The following HIVEP3 variants were observed in gnomAD, a reference collection of about 807,000 sequenced individuals.
HIVEP3 encodes HIVEP zinc finger 3.
HIVEP3 carries 49 observed loss-of-function variants against 152.8 expected under a neutral mutation model. The observed-to-expected ratio is 0.32, with a 90% CI of 0.26 to 0.41. HIVEP3 has a LOEUF of 0.41. Ranked by LOEUF, HIVEP3 falls within the 10% of genes least tolerant of loss-of-function variation. The probability of loss-of-function intolerance (pLI) is 1.00; values close to 1 mark genes in which losing one functional copy is unlikely to be tolerated. For missense variants in HIVEP3, 2,790 were observed against 3,103.3 expected (o/e 0.90, Z 2.40); for synonymous variants, 1,269 against 1,289.0 (o/e 0.98, Z 0.33).
At chr1:41,685,872 C>T (rs1558179462) in intron 2 of HIVEP3, among the ~76,000 whole-genome samples, 2 of 152,152 alleles carry the variant, frequency 1.3e-5, no homozygotes, top group Non-Finnish European at 2.9e-5. Context: ...GCCTCTCTGT[C>T]TTGCAAACTC....
chr1:41,995,641 A>G (rs1239198480), intron 1 of HIVEP3, among the ~76,000 whole-genome samples: 4 of 152,248 alleles, frequency 2.6e-5, no homozygotes, highest in Non-Finnish European at 4.4e-5. Flanking sequence ...ATGCCTTGTC[A>G]GTTAAAAAAA....
chr1:41,689,099 T>C (rs1646156592), intron 2 of HIVEP3, among the ~76,000 whole-genome samples: 1 of 152,266 alleles, frequency 6.6e-6, no homozygotes, highest in South Asian at 2.1e-4. Context: ...TACCGATTCA[T>C]TTCATGAACT....
At chr1:41,898,347 G>A (rs1644567623) in intron 1 of HIVEP3, among the ~76,000 whole-genome samples, 2 of 152,220 alleles carry the variant, frequency 1.3e-5, no homozygotes, top group African/African-American at 4.8e-5. Context: ...GAGGGGGCAG[G>A]AAGTGATCTA....
rs146042101 is a variant in HIVEP3, at chr1:41,693,649, A to C, written c.-721+7267T>G. On this transcript the variant is annotated intron_variant, in intron 2 of 8. Transcript: ENST00000372583. ...TTGTTGTGGGGTGGGGTGTTTGCCC[A>C]TAGGGTTTTTAATTGTTTTCCTTCA... Among the ~76,000 whole-genome samples the C allele has an allele frequency of 4.6e-5, 7 of 152,264 alleles. No homozygotes were observed. The East Asian group carries it at 1.3e-3, about 29-fold the overall frequency.
chr1:41,962,155 T>C (rs556902989), intron 1 of HIVEP3, among the ~76,000 whole-genome samples: 5 of 152,142 alleles, frequency 3.3e-5, no homozygotes, highest in African/African-American at 4.8e-5. Context: ...GCCAGAAATA[T>C]AGGAAAATAA....
chr1:42,002,164 C>A (rs1645431923), intron 1 of HIVEP3, among the ~76,000 whole-genome samples: 2 of 152,130 alleles, frequency 1.3e-5, no homozygotes, highest in Admixed American at 6.5e-5. Flanking sequence ...TAGCAACTGT[C>A]TGACAATGAC....
chr1:41,829,478 C>T (rs1642899182), intron 1 of HIVEP3, among the ~76,000 whole-genome samples: 1 of 152,138 alleles, frequency 6.6e-6, no homozygotes, highest in African/African-American at 2.4e-5. Flanking sequence ...GGCCATTAGA[C>T]AGACAAACAG....
intron 5 of HIVEP3, among the ~76,000 whole-genome samples, chr1:41,550,671 C>T (rs1383367150): frequency 6.6e-6 from 1 of 152,114 alleles, no homozygotes; most frequent in Non-Finnish European, 1.5e-5. Flanking sequence ...ATTTGGCTCT[C>T]TGTTTGTCTG....
intron 1 of HIVEP3, among the ~76,000 whole-genome samples, chr1:41,983,807 T>A (rs1014686169): frequency 6.6e-6 from 1 of 151,926 alleles, no homozygotes; most frequent in African/African-American, 2.4e-5. Context: ...GAAAAAAAAA[T>A]GTCCTGATGA....
chr1:41,734,856 T>C (rs1416275662), intron 1 of HIVEP3, among the ~76,000 whole-genome samples: 1 of 152,158 alleles, frequency 6.6e-6, no homozygotes, highest in Non-Finnish European at 1.5e-5. Flanking sequence ...AAAGGCAGGT[T>C]TAGGGCTGTT....
chr1:41,680,324 A>G (rs12093775), intron 2 of HIVEP3, among the ~76,000 whole-genome samples: 9,135 of 152,208 alleles, frequency 0.06, 570 homozygotes, highest in African/African-American at 0.16. Flanking sequence ...TCAAATGCCA[A>G]TTATCTTCTT....
intron 1 of HIVEP3, among the ~76,000 whole-genome samples, chr1:41,833,854 C>T (rs997952309): frequency 1.3e-5 from 2 of 152,186 alleles, no homozygotes; most frequent in African/African-American, 4.8e-5. Flanking sequence ...ATCTGATAAA[C>T]ACACAAAGGA....
At chr1:41,757,713 A>ATTTATTTATTTATTTC (rs1293130061) in intron 1 of HIVEP3, among the ~76,000 whole-genome samples, 1 of 150,746 alleles carries the variant, frequency 6.6e-6, no homozygotes, top group East Asian at 1.9e-4. Context: ...TTATTTATTT[A>ATTTATTTATTTATTTC]TTTATTTATT....
chr1:41,966,765 GC>G (rs1051004425), intron 1 of HIVEP3, among the ~76,000 whole-genome samples: 2 of 151,788 alleles, frequency 1.3e-5, no homozygotes, highest in Non-Finnish European at 2.9e-5. Flanking sequence ...ACAGGCGTGA[GC>G]CACCATGCCT....
intron 1 of HIVEP3, among the ~76,000 whole-genome samples, chr1:42,029,360 CA>C (rs1197468705): frequency 1.3e-5 from 2 of 151,946 alleles, no homozygotes; most frequent in Non-Finnish European, 2.9e-5. Context: ...TGGGTCTGGA[CA>C]AAAAAACAAA....
chr1:41,874,104 T>A (rs1262877984), intron 1 of HIVEP3, among the ~76,000 whole-genome samples: 1 of 152,260 alleles, frequency 6.6e-6, no homozygotes, highest in African/African-American at 2.4e-5. Context: ...TTGGCTTCAC[T>A]GAAACCATTC....
At chr1:41,638,657 G>T (rs1645324871) in intron 2 of HIVEP3, among the ~76,000 whole-genome samples, 1 of 152,232 alleles carries the variant, frequency 6.6e-6, no homozygotes, top group Non-Finnish European at 1.5e-5. Context: ...CCATCTGCAA[G>T]GTGGCACCCA....
At chr1:41,627,342 TGC>T (rs1645131723) in intron 3 of HIVEP3, among the ~76,000 whole-genome samples, 1 of 152,200 alleles carries the variant, frequency 6.6e-6, no homozygotes, top group African/African-American at 2.4e-5. Context: ...AACCAGTAAG[TGC>T]CTCACACAAC....
intron 2 of HIVEP3, among the ~76,000 whole-genome samples, chr1:41,658,157 C>A (rs1645656740): frequency 6.6e-6 from 1 of 152,230 alleles, no homozygotes; most frequent in African/African-American, 2.4e-5. Flanking sequence ...CTTAAGAAAT[C>A]TGTTAATTGG....
Sources: gnomAD v4.1 joint callset for allele counts (sites outside exome capture counted in the v4.1 genomes callset) on GRCh38, gnomAD v4.1.1 for gene constraint, MANE v1.5 for transcripts, NCBI Gene and HGNC (gene_info 2026-07-23, HGNC 2026-07-21) for gene names.